SLITRK6: variants seen among roughly 807,000 people sequenced by gnomAD.
The protein encoded by SLITRK6 is SLIT and NTRK like family member 6.
SLITRK6 carries 35 observed loss-of-function variants against 55.6 expected under a neutral mutation model. The observed-to-expected ratio is 0.63, with a 90% CI of 0.48 to 0.83. The LOEUF (loss-of-function observed/expected upper bound fraction) is 0.83, where lower values mean the gene tolerates loss of function less well. Among genes scored for constraint, SLITRK6 ranks in the 40% least tolerant of loss-of-function variants. The pLI, the probability that SLITRK6 is intolerant of heterozygous loss-of-function variation, is 0.00. For missense variants in SLITRK6, 977 were observed against 986.4 expected (o/e 0.99, Z 0.13); for synonymous variants, 392 against 359.6 (o/e 1.09, Z -1.02).
intron 1 of SLITRK6, among the ~76,000 whole-genome samples, chr13:85,797,247 C>T (rs1417091372): frequency 2.0e-5 from 3 of 151,042 alleles, no homozygotes; most frequent in Non-Finnish European, 4.4e-5. Context: ...ACTATAAGAA[C>T]TCTTTTAACT....
In SLITRK6 at chr13:85,794,295, T is replaced by C; in HGVS notation, c.2214A>G (p.Lys738=). Residue 738 remains lysine, a synonymous_variant, in exon 2 of 2, where the codon AAA becomes AAG. Transcript: ENST00000647374. ...SPLTGSNMKY[K]TTNQSTEFLS... ...AAAATTCTGTTGATTGGTTCGTGGT[T>C]TTGTATTTCATATTTGACCCTGTGA... The C allele has an allele frequency of 6.2e-7, 1 of 1,613,376 alleles. No individual in the cohort carries two copies. Among genetic ancestry groups the C allele is most frequent in the East Asian group, 2.2e-5 (1 of 44,836 alleles).
chr13:85,793,945 A>C lies in SLITRK6; in HGVS notation c.*38T>G. 6.5e-7 allele frequency: 1 copy of C among 1,549,826 alleles called. No individual in the cohort carries two copies. The highest frequency in any genetic ancestry group is 8.7e-7 in the Non-Finnish European group (1 of 1,151,510). On this transcript the variant is annotated 3_prime_UTR_variant, in exon 2 of 2. Transcript: ENST00000647374. ...TTTACAAGGTATGGACTTAAAACAG[A>C]ATCACAGCATTTCTGCGAAAGCCCT...
chr13:85,795,198 A>C lies in SLITRK6; in HGVS notation c.1311T>G (p.Leu437=). Residue 437 remains leucine (L), a synonymous_variant, in exon 2 of 2, where the codon CTT becomes CTG. Transcript: ENST00000647374. ...SKGMFLGLHN[L]EYLYLEYNAI... ...CATTGTATTCAAGATATAAGTATTC[A>C]AGATTATGGAGACCAAGGAACATGC... 6.2e-7 allele frequency: 1 copy of C among 1,612,342 alleles called. No homozygotes were observed. Among genetic ancestry groups the C allele is most frequent in the Non-Finnish European group, 8.5e-7 (1 of 1,179,242 alleles).
rs781407031 is a variant in SLITRK6, at chr13:85,794,609, G to A, written c.1900C>T (p.His634Tyr). Residue 634 changes from histidine (H) to tyrosine (Y), a missense_variant, in exon 2 of 2, where the codon CAC (histidine) becomes TAC (tyrosine). By Grantham distance (83) the His-to-Tyr change is moderately conservative. Coordinates refer to ENST00000647374, the MANE Select transcript of SLITRK6 (RefSeq NM_032229.3). Reference protein sequence around the residue: ...CAAGIVVLVLHRRRRYKKKQV... With the variant: ...CAAGIVVLVLYRRRRYKKKQV... The stretch of plus-strand genomic sequence containing the variant: ...TTCTTTTTGTATCTTCTCCTGCGGT[G>A]AAGAACAAGAACCACTATCCCTGCA... The A allele has an allele frequency of 1.2e-6, 2 of 1,613,168 alleles. No homozygotes were observed. Among genetic ancestry groups the A allele is most frequent in the Admixed American group, 3.3e-5 (2 of 59,812 alleles).
Position 85,793,853 on chromosome 13 carries a change from T to C in SLITRK6, c.*130A>G, listed in dbSNP as rs1344163971. 9.1e-7 allele frequency: 1 copy of C among 1,097,458 alleles called. No homozygotes were observed. Among genetic ancestry groups the C allele is most frequent in the Non-Finnish European group, 1.2e-6 (1 of 804,224 alleles). 68.0% of individuals were successfully genotyped at this position (1,097,458 alleles called of 1,614,324 possible). A position where few individuals can be genotyped will look rare whatever the true frequency, so the allele number is the denominator to read the frequency against. On this transcript the variant is annotated 3_prime_UTR_variant, in exon 2 of 2. Transcript: ENST00000647374. ...CCCTGAGTTTCTTTTTCTTCTTCTT[T>C]TTTTTTCCCCATAGTTTACTGCTGT... is the stretch of plus-strand genomic sequence containing the variant.
In SLITRK6 at chr13:85,794,579, C is replaced by T. The variant is rs374380609; in HGVS notation, c.1930G>A (p.Val644Ile). The change falls in exon 2 of 2, where the codon GTA (valine) becomes ATA (isoleucine). Residue 644 changes from valine (V) to isoleucine (I), a missense_variant. Coordinates refer to ENST00000647374, the MANE Select transcript of SLITRK6 (RefSeq NM_032229.3). ...HRRRRYKKKQ[V>I]DEQMRDNSPV... ...CTGTTGTCTCTCATTTGCTCATCTACTTGTTTCTTTTTGTATCTTCTCCTG... is the reference window on the plus strand; with the variant it reads ...CTGTTGTCTCTCATTTGCTCATCTATTTGTTTCTTTTTGTATCTTCTCCTG... 1.4e-5 allele frequency: 22 copies of T among 1,613,096 alleles called. No individual in the cohort carries two copies. In the African/African-American group the frequency reaches 2.9e-4, roughly 22 times the overall value.
rs368750148 is a variant in SLITRK6 at position 85,795,037 on chromosome 13, G to C, written c.1472C>G (p.Thr491Arg). The change falls in exon 2 of 2, where the codon ACA becomes AGA. Residue 491 changes from threonine to arginine, a missense_variant. Coordinates refer to ENST00000647374, the MANE Select transcript of SLITRK6 (RefSeq NM_032229.3). Reference sequence around the variant, plus strand: ...TACAGGTAGATGGGTAAACTGGTTTGTTTTAAGATTTACCTTAGTTAGAGG... The same window carrying C: ...TACAGGTAGATGGGTAAACTGGTTTCTTTTAAGATTTACCTTAGTTAGAGG... ...GVPLTKVNLKTNQFTHLPVSN... is the reference protein window; with the variant it reads ...GVPLTKVNLKRNQFTHLPVSN... 47 of 1,612,970 alleles carry C rather than the reference G, an allele frequency of 2.9e-5. 1 individual carries two copies. The highest frequency in any genetic ancestry group is 1.7e-4 in the Middle Eastern group (1 of 6,052).
rs1320011197 is a variant in SLITRK6 at position 85,795,738 on chromosome 13, T to C, written c.771A>G (p.Ile257Met). The C allele has an allele frequency of 6.2e-7, 1 of 1,612,814 alleles. No individual in the cohort carries two copies. Among genetic ancestry groups the C allele is most frequent in the South Asian group, 1.1e-5 (1 of 91,046 alleles). ...CNSPPFFKGS[I>M]LSRLKKESIC... ...TAGATTCCTTCTTTAGTCTACTGAG[T>C]ATACTTCCTTTAAAAAATGGAGGGC... The change falls in exon 2 of 2, where the codon ATA (isoleucine) becomes ATG (methionine). Residue 257 changes from isoleucine (I) to methionine (M), a missense_variant. Physicochemically the swap from Ile to Met is conservative, Grantham distance 10. Coordinates refer to ENST00000647374, the MANE Select transcript of SLITRK6 (RefSeq NM_032229.3).
intron 1 of SLITRK6, among the ~76,000 whole-genome samples, chr13:85,797,151 C>CTATATATATATATATA (rs10694306): frequency 1.1e-3 from 166 of 145,162 alleles, no homozygotes; most frequent in African/African-American, 3.9e-3. Flanking sequence ...TCGGTTTTGG[C>CTATATATATATATATA]TATATATATA....
Position 85,796,355 on chromosome 13 carries a change from C to A in SLITRK6, c.154G>T (p.Gly52Cys), listed in dbSNP as rs867188876. 1 of 1,612,498 alleles carries A rather than the reference C, an allele frequency of 6.2e-7. No homozygotes were observed. The highest frequency in any genetic ancestry group is 1.3e-5 in the African/African-American group (1 of 74,900). The part of the protein sequence containing the change: ...GTMLINCEAK[G>C]IKMVSEISVP... Reference sequence around the variant, plus strand: ...CTTATTTCAGATACCATCTTGATACCTTTTGCTTCACAATTTATTAGCATT... The same window carrying A: ...CTTATTTCAGATACCATCTTGATACATTTTGCTTCACAATTTATTAGCATT... Residue 52 changes from glycine (G) to cysteine (C), a missense_variant, in exon 2 of 2, where the codon GGT becomes TGT. Transcript: ENST00000647374.
Position 85,795,548 on chromosome 13 carries a change from A to C in SLITRK6, c.961T>G (p.Ser321Ala), listed in dbSNP as rs753612683. ...PGLIPYITKP[S>A]TQLPGPYCPI... is the part of the protein sequence containing the mutation. ...CAGTAAGGTCCTGGAAGTTGAGTGG[A>C]TGGCTTTGTAATATAAGGTATCAAA... Residue 321 changes from serine (S) to alanine (A), a missense_variant, in exon 2 of 2, where the codon TCC becomes GCC. By Grantham distance (99) the Ser-to-Ala change is moderately conservative. Transcript: ENST00000647374. 1.2e-6 allele frequency: 2 copies of C among 1,612,860 alleles called. No individual in the cohort carries two copies. Among genetic ancestry groups the C allele is most frequent in the South Asian group, 2.2e-5 (2 of 91,056 alleles).
At position 85,793,437 on chromosome 13, in the gene SLITRK6, TTC is replaced by T. The variant is rs1874603369; in HGVS notation, c.*544_*545del. On this transcript the variant is annotated 3_prime_UTR_variant, in exon 2 of 2. Coordinates refer to ENST00000647374, the MANE Select transcript of SLITRK6 (RefSeq NM_032229.3). ...CCCATGGCCTATATAATTGCAACCT[TTC>T]TATTTTTTCTTCACTATTACTATTT... 1 of 152,406 alleles carries T rather than the reference TTC, an allele frequency of 6.6e-6. No homozygotes were observed. Among genetic ancestry groups the T allele is most frequent in the Non-Finnish European group, 1.5e-5 (1 of 67,962 alleles). 9.4% of individuals were successfully genotyped at this position (152,406 alleles called of 1,614,324 possible).
chr13:85,793,806 T>C lies in SLITRK6; in HGVS notation c.*177A>G. 1.7e-6 allele frequency: 1 copy of C among 603,476 alleles called. No individual in the cohort carries two copies. The highest frequency in any genetic ancestry group is 2.7e-6 in the Non-Finnish European group (1 of 375,278). 37.4% of individuals were successfully genotyped at this position (603,476 alleles called of 1,614,324 possible). On this transcript the variant is annotated 3_prime_UTR_variant, in exon 2 of 2. Transcript: ENST00000647374. Reference sequence around the variant, plus strand: ...GACAGACTAAATTGCCTGAAGATAATGCCATGGCTTCTCCCAGTGATCCCT... The same window carrying C: ...GACAGACTAAATTGCCTGAAGATAACGCCATGGCTTCTCCCAGTGATCCCT...
Position 85,793,028 on chromosome 13 carries a change from A to C in SLITRK6, c.*955T>G, listed in dbSNP as rs1189661518. 1 of 152,250 alleles carries C rather than the reference A, an allele frequency of 6.6e-6. No homozygotes were observed. Among genetic ancestry groups the C allele is most frequent in the Non-Finnish European group, 1.5e-5 (1 of 67,858 alleles). The allele number at this position is 152,250 out of a possible 1,614,324, so 9.4% of individuals were successfully genotyped here. A position where few individuals can be genotyped will look rare whatever the true frequency, so the allele number is the denominator to read the frequency against. ...TTTATGGCATCTATCAATGTACATC[A>C]ATAAAAATAAAATAATTTTTCCTAT... is the stretch of plus-strand genomic sequence containing the variant. On this transcript the variant is annotated 3_prime_UTR_variant, in exon 2 of 2. Transcript: ENST00000647374.
Position 85,793,766 on chromosome 13 carries a change from A to T in SLITRK6, c.*217T>A, listed in dbSNP as rs1874611831. 6.6e-6 allele frequency: 3 copies of T among 457,998 alleles called. No individual in the cohort carries two copies. Among genetic ancestry groups the T allele is most frequent in the Non-Finnish European group, 1.1e-5 (3 of 264,882 alleles). The allele number at this position is 457,998 out of a possible 1,614,324, so 28.4% of individuals were successfully genotyped here. A position where few individuals can be genotyped will look rare whatever the true frequency, so the allele number is the denominator to read the frequency against. On this transcript the variant is annotated 3_prime_UTR_variant, in exon 2 of 2. Transcript: ENST00000647374. ...ATCCTTGAATGATTTACATGCAAGG[A>T]TTTATTTTATTTGGGACAGACTAAA...
rs200148414 is a variant in SLITRK6, at chr13:85,796,451, A to T, written c.58T>A (p.Ser20Thr). The T allele has an allele frequency of 6.2e-7, 1 of 1,601,678 alleles. No individual in the cohort carries two copies. The highest frequency in any genetic ancestry group is 8.5e-7 in the Non-Finnish European group (1 of 1,175,810). The change falls in exon 2 of 2, where the codon TCC (serine) becomes ACC (threonine). Residue 20 changes from serine (S) to threonine (T), a missense_variant. Transcript: ENST00000647374. Reference protein sequence around the residue: ...SSLLACISLHSQTPVLSSRGS... With the variant: ...SSLLACISLHTQTPVLSSRGS... ...CTGGATGAGAGCACTGGAGTTTGGG[A>T]GTGTAAAGATATACAGGCAAGGAGA... is the stretch of plus-strand genomic sequence containing the variant.
At chr13:85,796,670 A>C in intron 1 of SLITRK6, 138 bp from the exon 2 acceptor site, 1 of 596,880 alleles carries the variant, frequency 1.7e-6, no homozygotes, top group Non-Finnish European at 2.5e-6. Context: ...ACCTTGCTGC[A>C]TTTACATCAT....
chr13:85,794,129 G>A lies in SLITRK6; in HGVS notation c.2380C>T (p.His794Tyr), dbSNP rs754787799. The change falls in exon 2 of 2, where the codon CAC becomes TAC. Residue 794 changes from histidine (H) to tyrosine (Y), a missense_variant. Coordinates refer to ENST00000647374, the MANE Select transcript of SLITRK6 (RefSeq NM_032229.3). ...PDMEAHYPGA[H>Y]EELKLMETLM... ...GTTTCCATTAACTTCAGCTCTTCGT[G>A]GGCTCCAGGATAATGTGCCTCCATA... The A allele has an allele frequency of 6.2e-7, 1 of 1,612,994 alleles. No homozygotes were observed. The highest frequency in any genetic ancestry group is 1.1e-5 in the South Asian group (1 of 91,052).
rs771549001 is a variant in SLITRK6, at chr13:85,795,060, A to G, written c.1449T>C (p.Pro483=). Residue 483 remains proline, a synonymous_variant, in exon 2 of 2, where the codon CCT becomes CCC. Coordinates refer to ENST00000647374, the MANE Select transcript of SLITRK6 (RefSeq NM_032229.3). ...VLPPHIFSGV[P]LTKVNLKTNQ... Reference sequence around the variant, plus strand: ...TTGTTTTAAGATTTACCTTAGTTAGAGGAACCCCTGAAAAAATATGTGGTG... The same window carrying G: ...TTGTTTTAAGATTTACCTTAGTTAGGGGAACCCCTGAAAAAATATGTGGTG... 5.6e-6 allele frequency: 9 copies of G among 1,612,896 alleles called. No individual in the cohort carries two copies. The highest frequency in any genetic ancestry group is 5.9e-6 in the Non-Finnish European group (7 of 1,179,406).
Sources: allele counts gnomAD v4.1 joint callset (sites outside exome capture counted in the v4.1 genomes callset), GRCh38; gene constraint gnomAD v4.1.1; transcripts MANE v1.5; gene names NCBI Gene and HGNC (gene_info 2026-07-23, HGNC 2026-07-21).